Variants in SH3RF1 observed in about 807,000 individuals in gnomAD.
SH3RF1 encodes the protein E3 ubiquitin-protein ligase SH3RF1.
SH3RF1 carries 32 observed loss-of-function variants against 74.0 expected under a neutral mutation model. That is an observed-to-expected ratio of 0.43 (90% confidence interval 0.33 to 0.58). SH3RF1 has a LOEUF of 0.58. Ranked by LOEUF, SH3RF1 falls within the 20% of genes least tolerant of loss-of-function variation. SH3RF1 has a pLI of 0.05. For missense variants in SH3RF1, 954 were observed against 1,130.9 expected (o/e 0.84, Z 2.24); for synonymous variants, 396 against 439.6 (o/e 0.90, Z 1.24).
At chr4:169,228,486 T>C (rs1300763146) in intron 2 of SH3RF1, among the ~76,000 whole-genome samples, 1 of 152,160 alleles carries the variant, frequency 6.6e-6, no homozygotes, top group Non-Finnish European at 1.5e-5. Flanking sequence ...CCTTCCTCCA[T>C]CTTCAACAGG....
chr4:169,229,786 G>T (rs1172641583), intron 2 of SH3RF1, among the ~76,000 whole-genome samples: 3 of 152,132 alleles, frequency 2.0e-5, no homozygotes, highest in Non-Finnish European at 4.4e-5. Context: ...CGGATGAAAG[G>T]CATTTCAAAT....
chr4:169,167,112 C>T, intron 2 of SH3RF1: 1 of 164,014 alleles, frequency 6.1e-6, no homozygotes, highest in Non-Finnish European at 1.3e-5. Context: ...CAAAGTGGTG[C>T]TCTAAATTTC....
chr4:169,181,652 T>C (rs1361537173), intron 2 of SH3RF1, among the ~76,000 whole-genome samples: 1 of 152,156 alleles, frequency 6.6e-6, no homozygotes, highest in African/African-American at 2.4e-5. Context: ...TACCTGAGTG[T>C]GTAAAAATCC....
At chr4:169,259,834 T>C (rs1445738015) in intron 2 of SH3RF1, among the ~76,000 whole-genome samples, 2 of 152,230 alleles carry the variant, frequency 1.3e-5, no homozygotes, top group South Asian at 2.1e-4. Flanking sequence ...CTATGTGTAG[T>C]ATTTCTATCA....
intron 2 of SH3RF1, among the ~76,000 whole-genome samples, chr4:169,255,460 A>T (rs151074030): frequency 2.0e-5 from 3 of 152,164 alleles, no homozygotes; most frequent in African/African-American, 7.2e-5. Context: ...ACATGGAAAA[A>T]CTGACCAGTA....
intron 2 of SH3RF1, among the ~76,000 whole-genome samples, chr4:169,213,279 G>A (rs1344772627): frequency 1.3e-5 from 2 of 152,192 alleles, no homozygotes; most frequent in Non-Finnish European, 1.5e-5. Context: ...CTAATGACAT[G>A]TGTGTGAAGC....
chr4:169,127,214 T>G (rs561944451), intron 6 of SH3RF1, among the ~76,000 whole-genome samples: 1 of 152,236 alleles, frequency 6.6e-6, no homozygotes, highest in Non-Finnish European at 1.5e-5. Context: ...ACATGTGAAA[T>G]GTATGGGACA....
rs770333018 is a variant in SH3RF1 at position 169,156,582 on chromosome 4, C to T, written c.491G>A (p.Arg164Gln). The change falls in exon 3 of 12, where the codon CGA (arginine) becomes CAA (glutamine). Residue 164 changes from arginine to glutamine, a missense_variant. Physicochemically the swap from Arg to Gln is conservative, Grantham distance 43. Around this residue, in one of 3 missense-constraint regions of SH3RF1, gnomAD observed 854 missense variants for 962.5 expected, o/e 0.89. Coordinates refer to ENST00000284637, the MANE Select transcript of SH3RF1 (RefSeq NM_020870.4). ...GTACCAATTTTCATCCACTTGTCTT[C>T]GCAAAATGATGATGTCACCTTTGCT... Reference protein sequence around the residue: ...KFSKGDIIILRRQVDENWYHG... With the variant: ...KFSKGDIIILQRQVDENWYHG... The T allele has an allele frequency of 2.2e-5, 36 of 1,613,956 alleles. No individual in the cohort carries two copies. Among genetic ancestry groups the T allele is most frequent in the Admixed American group, 1.3e-4 (8 of 59,998 alleles).
At chr4:169,208,035 G>C (rs1031434851) in intron 2 of SH3RF1, among the ~76,000 whole-genome samples, 3 of 152,144 alleles carry the variant, frequency 2.0e-5, no homozygotes, top group African/African-American at 7.2e-5. Context: ...ACTTTGCCAG[G>C]CTTCCACATC....
rs1733663830 is a variant in SH3RF1, at chr4:169,134,339, T to C, written c.1068+1979A>G. Among the ~76,000 whole-genome samples, 4 of 152,224 alleles carry C rather than the reference T, an allele frequency of 2.6e-5. No homozygotes were observed. In the South Asian group the frequency reaches 8.3e-4, roughly 32 times the overall value. On this transcript the variant is annotated intron_variant, in intron 5 of 11. Coordinates refer to ENST00000284637, the MANE Select transcript of SH3RF1 (RefSeq NM_020870.4). ...GTCTTCATTCCCAGCTCTGGTGTGG[T>C]AACGTCAGGCATGCTCACACCTGAA... is the stretch of plus-strand genomic sequence containing the variant.
intron 2 of SH3RF1, among the ~76,000 whole-genome samples, chr4:169,260,146 A>G (rs1199195081): frequency 6.6e-6 from 1 of 152,178 alleles, no homozygotes; most frequent in African/African-American, 2.4e-5. Context: ...AATGCTGAGA[A>G]AAGACCACAG....
At chr4:169,170,503 T>C (rs1734309354) in intron 2 of SH3RF1, among the ~76,000 whole-genome samples, 1 of 152,238 alleles carries the variant, frequency 6.6e-6, no homozygotes, top group South Asian at 2.1e-4. Flanking sequence ...TGCCAATATA[T>C]TAAAACATAT....
chr4:169,167,371 G>A (rs1386109322), intron 2 of SH3RF1, among the ~76,000 whole-genome samples: 1 of 151,976 alleles, frequency 6.6e-6, no homozygotes, highest in Non-Finnish European at 1.5e-5. Context: ...TGCTAGTGGG[G>A]GTCTAATACT....
intron 2 of SH3RF1, among the ~76,000 whole-genome samples, chr4:169,228,229 T>C (rs1003877364): frequency 1.3e-5 from 2 of 152,228 alleles, no homozygotes; most frequent in Admixed American, 1.3e-4. Context: ...GTAGACCATC[T>C]AAACACATTT....
At chr4:169,158,773 C>A (rs1481956022) in intron 2 of SH3RF1, among the ~76,000 whole-genome samples, 3 of 152,156 alleles carry the variant, frequency 2.0e-5, no homozygotes, top group Admixed American at 6.5e-5. Flanking sequence ...AAGTTTTATA[C>A]CCTTGATGGC....
rs1733702996 is a variant in SH3RF1 at position 169,136,477 on chromosome 4, G to A, written c.909C>T (p.His303=). ...SDTKKNTKKR[H]SFTSLTMANK... Reference sequence around the variant, plus strand: ...TGGCCATAGTGAGGGAAGTGAAGGAGTGCCGCTTTTTGGTGTTCTTCTTGG... The same window carrying A: ...TGGCCATAGTGAGGGAAGTGAAGGAATGCCGCTTTTTGGTGTTCTTCTTGG... The change falls in exon 5 of 12, where the codon CAC becomes CAT. Residue 303 remains histidine (H), a synonymous_variant. Transcript: ENST00000284637. 1 of 1,595,302 alleles carries A rather than the reference G, an allele frequency of 6.3e-7. No individual in the cohort carries two copies. Among genetic ancestry groups the A allele is most frequent in the Non-Finnish European group, 8.6e-7 (1 of 1,163,276 alleles).
intron 11 of SH3RF1, among the ~76,000 whole-genome samples, chr4:169,099,174 C>A (rs1429443856): frequency 6.6e-6 from 1 of 152,178 alleles, no homozygotes; most frequent in Non-Finnish European, 1.5e-5. Context: ...CTCACTGTAG[C>A]CTTGACCTCC....
chr4:169,170,733 A>G (rs1734313894), intron 2 of SH3RF1, among the ~76,000 whole-genome samples: 1 of 152,140 alleles, frequency 6.6e-6, no homozygotes, highest in Non-Finnish European at 1.5e-5. Context: ...ATCTTCCTGA[A>G]ATACAACTTT....
intron 2 of SH3RF1, among the ~76,000 whole-genome samples, chr4:169,202,942 A>G (rs1734935234): frequency 6.6e-6 from 1 of 152,216 alleles, no homozygotes; most frequent in African/African-American, 2.4e-5. Flanking sequence ...AAGAAGACAT[A>G]GCATTCTGTA....
Sources: gnomAD v4.1 joint callset for allele counts (sites outside exome capture counted in the v4.1 genomes callset) on GRCh38, gnomAD v4.1.1 for gene constraint, gnomAD v4.1.1 regional missense constraint, MANE v1.5 for transcripts, NCBI Gene and HGNC (gene_info 2026-07-23, HGNC 2026-07-21) for gene names.